The following AKAP13 variants were observed in gnomAD, a reference collection of about 807,000 sequenced individuals.
The protein encoded by AKAP13 is A-kinase anchor protein 13.
A neutral mutation model predicts 264.5 loss-of-function variants in AKAP13; 80 were observed. The ratio of observed to expected loss-of-function variants is 0.30; its 90% CI spans 0.25 to 0.36. The LOEUF (loss-of-function observed/expected upper bound fraction) is 0.36. Among genes scored for constraint, AKAP13 ranks in the 10% least tolerant of loss-of-function variants. The pLI, the probability that AKAP13 is intolerant of heterozygous loss-of-function variation, is 1.00. For synonymous variants in AKAP13, 1,380 were observed against 1,250.2 expected, an observed-to-expected ratio of 1.10 and a Z score of -2.19; for missense variants, 3,712 against 3,435.2, an observed-to-expected ratio of 1.08 and a Z score of -2.01.
chr15:85,440,254 C>T (rs1046792789), intron 1 of AKAP13, among the ~76,000 whole-genome samples: 1 of 152,204 alleles, frequency 6.6e-6, no homozygotes, highest in Non-Finnish European at 1.5e-5. Flanking sequence ...AGCAGGTCCT[C>T]AGCTAGCTTA....
intron 8 of AKAP13, among the ~76,000 whole-genome samples, chr15:85,600,641 A>G (rs2080019856): frequency 1.3e-5 from 2 of 152,268 alleles, no homozygotes; most frequent in African/African-American, 2.4e-5. Flanking sequence ...AATAGTAATT[A>G]AAAGATTTAA....
intron 13 of AKAP13, 118 bp downstream of exon 13, chr15:85,664,873 T>C (rs2083505974): frequency 2.1e-6 from 2 of 957,038 alleles, no homozygotes; most frequent in South Asian, 1.8e-5. Flanking sequence ...TTATATGATA[T>C]ACTTAATCTA....
At chr15:85,699,216 G>A (rs1429705729) in intron 17 of AKAP13, among the ~76,000 whole-genome samples, 1 of 152,044 alleles carries the variant, frequency 6.6e-6, no homozygotes, top group Non-Finnish European at 1.5e-5. Flanking sequence ...GGCTGAGACG[G>A]GCAGAACACC....
chr15:85,710,770 G>T (rs1347405833), intron 19 of AKAP13, 125 bp downstream of exon 19: 3 of 1,068,988 alleles, frequency 2.8e-6, no homozygotes, highest in African/African-American at 1.6e-5. Context: ...TGGTAAGTGA[G>T]AGAAGGCTGC....
intron 2 of AKAP13, among the ~76,000 whole-genome samples, chr15:85,512,007 C>T (rs561948781): frequency 3.5e-4 from 54 of 152,138 alleles, no homozygotes; most frequent in African/African-American, 1.3e-3. Flanking sequence ...CACCCCCTCA[C>T]CCCCCATTTT....
chr15:85,632,395 TC>T (rs2081877914), intron 8 of AKAP13, among the ~76,000 whole-genome samples: 1 of 152,194 alleles, frequency 6.6e-6, no homozygotes, highest in African/African-American at 2.4e-5. Flanking sequence ...TGAGACATTA[TC>T]TTTATAATAC....
chr15:85,610,807 C>T (rs571312179), intron 8 of AKAP13, among the ~76,000 whole-genome samples: 7 of 151,726 alleles, frequency 4.6e-5, no homozygotes, highest in South Asian at 4.2e-4. Context: ...GAAACTCCCC[C>T]GTCTCTACTA....
chr15:85,578,159 T>A (rs1306676954), intron 6 of AKAP13, among the ~76,000 whole-genome samples: 1 of 152,128 alleles, frequency 6.6e-6, no homozygotes, highest in Non-Finnish European at 1.5e-5. Context: ...GGTGCACACC[T>A]GTAGTCCTAG....
chr15:85,737,149 A>G (rs1163582522), intron 33 of AKAP13, among the ~76,000 whole-genome samples: 1 of 151,856 alleles, frequency 6.6e-6, no homozygotes, highest in Non-Finnish European at 1.5e-5. Context: ...TGAACTCCTG[A>G]CCTCAGGCAA....
At chr15:85,414,269 A>G (rs532575252) in intron 1 of AKAP13, among the ~76,000 whole-genome samples, 6 of 152,316 alleles carry the variant, frequency 3.9e-5, no homozygotes, top group South Asian at 2.1e-4. Context: ...AAGATTGCCT[A>G]TTCATTTCTA....
chr15:85,395,776 T>C (rs1160251520), intron 1 of AKAP13, among the ~76,000 whole-genome samples: 1 of 152,124 alleles, frequency 6.6e-6, no homozygotes. Context: ...CGTATTGTCT[T>C]TGCCCAGTGT....
Position 85,741,243 on chromosome 15 carries a change from G to C in AKAP13, c.7806G>C (p.Glu2602Asp). 6.2e-7 allele frequency: 1 copy of C among 1,609,470 alleles called. No homozygotes were observed. The highest frequency in any genetic ancestry group is 2.2e-5 in the East Asian group (1 of 44,672). ...AQYLEEKRRR[E>D]REWEAREREL... ...ACCTCGAGGAGAAGCGCAGGCGCGA[G>C]CGTGAGTGGGAAGCTCGTGAGAGGG... The change falls in exon 35 of 37, where the codon GAG (glutamate) becomes GAC (aspartate). Residue 2602 changes from glutamate (E) to aspartate (D), a missense_variant. Glu to Asp is a conservative substitution (Grantham distance 45). Coordinates refer to ENST00000394518, the MANE Select transcript of AKAP13 (RefSeq NM_007200.5).
chr15:85,576,396 A>T (rs1325629552), intron 6 of AKAP13, among the ~76,000 whole-genome samples: 1 of 152,218 alleles, frequency 6.6e-6, no homozygotes, highest in Admixed American at 6.5e-5. Context: ...AGCTAAAAAA[A>T]ACAGAAAAGA....
intron 8 of AKAP13, among the ~76,000 whole-genome samples, chr15:85,630,659 A>G (rs1465867504): frequency 1.3e-5 from 2 of 152,234 alleles, no homozygotes; most frequent in Non-Finnish European, 2.9e-5. Flanking sequence ...CGAGCCTTAC[A>G]TCTTCACACA....
rs144566673 is a variant in AKAP13 at position 85,620,035 on chromosome 15, A to G, written c.4162-19339A>G. On this transcript the variant is annotated intron_variant, in intron 8 of 36. Coordinates refer to ENST00000394518, the MANE Select transcript of AKAP13 (RefSeq NM_007200.5). ...AACTAAGGACTTGCACTGGTCCCCA[A>G]GTTAACAGTGGATATACTTCCTGCA... is the stretch of plus-strand genomic sequence containing the variant. 2.3e-5 allele frequency: 35 copies of G among 1,534,768 alleles called. No homozygotes were observed. The East Asian group carries it at 2.7e-4, about 12-fold the overall frequency.
At chr15:85,721,892 A>G (rs2087311389) in intron 23 of AKAP13, 99 bp from the exon 24 acceptor site, 12 of 1,532,636 alleles carry the variant, frequency 7.8e-6, no homozygotes, top group African/African-American at 1.4e-5. Context: ...TTTATGAGGA[A>G]GCGCTCTTGA....
intron 1 of AKAP13, among the ~76,000 whole-genome samples, chr15:85,388,828 G>T (rs1216456399): frequency 6.6e-6 from 1 of 152,096 alleles, no homozygotes; most frequent in Non-Finnish European, 1.5e-5. Context: ...CATGATAGTT[G>T]TTGAGTCCTT....
Position 85,733,873 on chromosome 15 carries a change from C to CTTTTTTT in AKAP13, c.7283-1104_7283-1098dup, listed in dbSNP as rs72092500. Among the ~76,000 whole-genome samples the CTTTTTTT allele has an allele frequency of 4.2e-3, 343 of 82,534 alleles. 1 individual carries two copies. Among genetic ancestry groups the CTTTTTTT allele is most frequent in the Non-Finnish European group, 6.0e-3 (262 of 43,310 alleles). 54.1% of individuals were successfully genotyped at this position (82,534 alleles called of 152,430 possible). On this transcript the variant is annotated intron_variant, in intron 30 of 36. Transcript: ENST00000394518. ...TTTGTCATTTTCTTTTCTTTCTTTT[C>CTTTTTTT]TTTTTTTTTTTTTTTTTTTTTGAGA...
chr15:85,531,041 AGT>A (rs2077225992), intron 3 of AKAP13, among the ~76,000 whole-genome samples: 1 of 152,114 alleles, frequency 6.6e-6, no homozygotes, highest in African/African-American at 2.4e-5. Context: ...TTTTATTTTT[AGT>A]ACAGACAGAG....
Sources: gnomAD v4.1 joint callset for allele counts (sites outside exome capture counted in the v4.1 genomes callset) on GRCh38, gnomAD v4.1.1 for gene constraint, MANE v1.5 for transcripts, NCBI Gene and HGNC (gene_info 2026-07-23, HGNC 2026-07-21) for gene names.